Variants in ANKRD30A observed in about 807,000 individuals in gnomAD.
The protein encoded by ANKRD30A is ankyrin repeat domain 30A.
In ANKRD30A, 170 loss-of-function variants were observed where a neutral mutation model predicts 166.3. That is an observed-to-expected ratio of 1.02 (90% CI 0.90 to 1.16). ANKRD30A has a LOEUF of 1.16. Among genes scored for constraint, ANKRD30A ranks in the 50% most tolerant of loss-of-function variants. The probability of loss-of-function intolerance (pLI) is 0.00; values close to 1 mark genes in which losing one functional copy is unlikely to be tolerated. For synonymous variants in ANKRD30A, 564 were observed against 508.9 expected (o/e 1.11, Z -1.46); for missense variants, 1,630 against 1,518.0 (o/e 1.07, Z -1.23).
chr10:37,234,009 AG>A (rs1843561069), downstream of ANKRD30A, among the ~76,000 whole-genome samples: 1 of 152,174 alleles, frequency 6.6e-6, no homozygotes, highest in Non-Finnish European at 1.5e-5. Context: ...GTTAATTTGA[AG>A]GACTATCTTA....
In ANKRD30A at chr10:37,132,296, A is replaced by ATTT; in HGVS notation, c.570_572dup (p.Phe190dup). ...CGAAAAGAAGTGAGCAAATTGTGGA[A>ATTT]TTTTTGCTGATAAAAAATGCAAATG... is the stretch of plus-strand genomic sequence containing the variant. On this transcript the variant is annotated inframe_insertion, in exon 4 of 36. Coordinates refer to ENST00000361713, the MANE Select transcript of ANKRD30A (RefSeq NM_052997.3). 6.2e-7 allele frequency: 1 copy of ATTT among 1,606,674 alleles called. No homozygotes were observed. Among genetic ancestry groups the ATTT allele is most frequent in the Non-Finnish European group, 8.5e-7 (1 of 1,176,514 alleles).
At chr10:37,242,955 C>T in the ANKRD30A span, among the ~76,000 whole-genome samples, 1 of 152,310 alleles carries the variant, frequency 6.6e-6, no homozygotes, top group African/African-American at 2.4e-5. Context: ...TTAGCTGAAG[C>T]TGGCATCGTG....
At chr10:37,155,468 C>T (rs2384695) in intron 13 of ANKRD30A, among the ~76,000 whole-genome samples, 2,415 of 152,264 alleles carry the variant, frequency 0.016, 149 homozygotes, top group East Asian at 0.14. Context: ...GCTGAACTCT[C>T]ATCTGAACTG....
chr10:37,130,670 A>G (rs1836330663), intron 3 of ANKRD30A, among the ~76,000 whole-genome samples: 1 of 152,176 alleles, frequency 6.6e-6, no homozygotes, highest in East Asian at 1.9e-4. Flanking sequence ...GTGTAAAACT[A>G]GAGGAAAGCA....
the ANKRD30A span, among the ~76,000 whole-genome samples, chr10:37,247,776 G>A: frequency 6.6e-6 from 1 of 151,314 alleles, no homozygotes; most frequent in African/African-American, 2.4e-5. Context: ...CAGCTACTCC[G>A]GAGGCTGAGG....
rs146876569 is a variant in ANKRD30A at position 37,191,837 on chromosome 10, T to C, written c.2513-1227T>C. On this transcript the variant is annotated intron_variant, in intron 25 of 35. Coordinates refer to ENST00000361713, the MANE Select transcript of ANKRD30A (RefSeq NM_052997.3). The stretch of plus-strand genomic sequence containing the variant: ...GGTGAAACCCCACCTCTACTAGTAA[T>C]ACAAAAAATCAGCCGGGCGTGGTGG... Among the ~76,000 whole-genome samples, 509 of 151,916 alleles carry C rather than the reference T, an allele frequency of 3.4e-3. 6 individuals carry two copies. Among genetic ancestry groups the C allele is most frequent in the Middle Eastern group, 0.02 (6 of 294 alleles).
intron 31 of ANKRD30A, among the ~76,000 whole-genome samples, chr10:37,212,782 T>A (rs2132724251): frequency 6.6e-6 from 1 of 152,082 alleles, no homozygotes. Context: ...TTTCTGCATA[T>A]GGCCAGCTAG....
intron 18 of ANKRD30A, among the ~76,000 whole-genome samples, chr10:37,166,339 G>C (rs919416355): frequency 1.3e-5 from 2 of 152,248 alleles, no homozygotes; most frequent in African/African-American, 4.8e-5. Context: ...ATGCACGAGT[G>C]AATTTTTTTG....
chr10:37,235,133 C>A (rs1006867868), downstream of ANKRD30A, among the ~76,000 whole-genome samples: 4 of 152,212 alleles, frequency 2.6e-5, no homozygotes, highest in South Asian at 2.1e-4. Flanking sequence ...TATATAATTT[C>A]TCCTGTCTCC....
intron 24 of ANKRD30A, among the ~76,000 whole-genome samples, chr10:37,178,274 A>G: frequency 6.6e-6 from 1 of 151,280 alleles, no homozygotes; most frequent in East Asian, 1.9e-4. Context: ...GAAGCACCTG[A>G]CCATGGAGAG....
chr10:37,136,530 C>T (rs959019163), intron 5 of ANKRD30A, 77 bp from the exon 6 acceptor site: 1 of 648,932 alleles, frequency 1.5e-6, no homozygotes, highest in Non-Finnish European at 2.6e-6. Flanking sequence ...GCTCTAAGAA[C>T]TTAATAAATT....
At chr10:37,234,482 A>G (rs533641463), downstream of ANKRD30A, among the ~76,000 whole-genome samples, 52 of 152,262 alleles carry the variant, frequency 3.4e-4, no homozygotes, top group African/African-American at 1.2e-3. Context: ...TGAAAGTTAT[A>G]TAGTACCTGT....
chr10:37,257,114 T>C, the ANKRD30A span, among the ~76,000 whole-genome samples: 1 of 152,138 alleles, frequency 6.6e-6, no homozygotes, highest in Admixed American at 6.5e-5. Flanking sequence ...CTTCCTGGTT[T>C]CATGGCGGGA....
Position 37,192,567 on chromosome 10 carries a change from A to G in ANKRD30A, c.2513-497A>G, listed in dbSNP as rs1439151582. Among the ~76,000 whole-genome samples, 4 of 152,070 alleles carry G rather than the reference A, an allele frequency of 2.6e-5. No individual in the cohort carries two copies. The East Asian group carries it at 7.7e-4, about 29-fold the overall frequency. On this transcript the variant is annotated intron_variant, in intron 25 of 35. Coordinates refer to ENST00000361713, the MANE Select transcript of ANKRD30A (RefSeq NM_052997.3). ...ACATTTGTACCTTTGAACTCTCATC[A>G]CAACTTTGCAATTCCTAAACTCCAG... is the stretch of plus-strand genomic sequence containing the variant.
rs200260827 is a variant in ANKRD30A at position 37,149,797 on chromosome 10, C to G, written c.1593C>G (p.Asn531Lys). 2.0e-3 allele frequency: 3,160 copies of G among 1,612,824 alleles called. 55 individuals are homozygous for G. The African/African-American group carries it at 0.034, about 17-fold the overall frequency. The change falls in exon 11 of 36, where the codon AAC becomes AAG. Residue 531 changes from asparagine (N) to lysine (K), a missense_variant. This residue lies in a region of ANKRD30A where 904 missense variants were observed against 818.5 expected (regional missense o/e 1.10). Transcript: ENST00000361713. ...SAFKPAIEMQ[N>K]SVPNKAFELK... Reference sequence around the variant, plus strand: ...TTTAGCCTGCCATTGAAATGCAAAACTCTGTTCCAAATAAAGCCTTTGAAT... The same window carrying G: ...TTTAGCCTGCCATTGAAATGCAAAAGTCTGTTCCAAATAAAGCCTTTGAAT...
At position 37,134,074 on chromosome 10, in the gene ANKRD30A, G is replaced by T. The variant is rs758134405; in HGVS notation, c.755+21G>T. ...CATCAGTAAGTGTTTACGTTTAGAG[G>T]CTAGGTGAGATTTTATAGTTTGTTT... is the stretch of plus-strand genomic sequence containing the variant. On this transcript the variant is annotated intron_variant, in intron 5 of 35. Transcript: ENST00000361713. 10 of 1,611,228 alleles carry T rather than the reference G, an allele frequency of 6.2e-6. No homozygotes were observed. In the East Asian group the frequency reaches 6.7e-5, roughly 11 times the overall value.
intron 30 of ANKRD30A, 32 bp downstream of exon 30, chr10:37,199,820 A>C: frequency 3.8e-6 from 5 of 1,315,084 alleles, no homozygotes; most frequent in Non-Finnish European, 5.4e-6. Context: ...TTTAAATATT[A>C]GTATTGCATG....
chr10:37,237,640 T>A, the ANKRD30A span, among the ~76,000 whole-genome samples: 1 of 152,256 alleles, frequency 6.6e-6, no homozygotes, highest in Non-Finnish European at 1.5e-5. Flanking sequence ...TTTACATATT[T>A]TACCCTATAA....
intron 15 of ANKRD30A, among the ~76,000 whole-genome samples, chr10:37,159,089 C>A (rs1838623336): frequency 6.6e-6 from 1 of 152,084 alleles, no homozygotes; most frequent in Non-Finnish European, 1.5e-5. Flanking sequence ...TGACTCTTTG[C>A]TAGACATAGT....
Sources: gnomAD v4.1 joint callset for allele counts (sites outside exome capture counted in the v4.1 genomes callset) on GRCh38, gnomAD v4.1.1 for gene constraint, gnomAD v4.1.1 regional missense constraint, MANE v1.5 for transcripts, NCBI Gene and HGNC (gene_info 2026-07-23, HGNC 2026-07-21) for gene names.